The following NKD1 variants were observed in gnomAD, a reference collection of about 807,000 sequenced individuals.
The protein encoded by NKD1 is NKD inhibitor of Wnt signaling pathway 1, also known as protein naked cuticle homolog 1.
A neutral mutation model predicts 56.0 loss-of-function variants in NKD1; 21 were observed. That is an observed-to-expected ratio of 0.38 (90% CI 0.27 to 0.54). NKD1 has a LOEUF of 0.54. NKD1 is among the 20% of genes least tolerant of loss of function. The probability of loss-of-function intolerance (pLI) is 0.82; values close to 1 mark genes in which losing one functional copy is unlikely to be tolerated. For missense variants in NKD1, 578 were observed against 642.7 expected, an observed-to-expected ratio of 0.90 and a Z score of 1.09; for synonymous variants, 263 against 265.7, an observed-to-expected ratio of 0.99 and a Z score of 0.10.
At chr16:50,625,445 A>G (rs1962187696) in intron 5 of NKD1, 40 bp from the exon 6 acceptor site, 7 of 1,426,022 alleles carry the variant, frequency 4.9e-6, no homozygotes, top group Non-Finnish European at 6.9e-6. Flanking sequence ...CAGTGTTGCC[A>G]CAGATAGGGG....
chr16:50,581,518 T>C (rs1214794924), intron 3 of NKD1, among the ~76,000 whole-genome samples: 1 of 152,258 alleles, frequency 6.6e-6, no homozygotes, highest in Non-Finnish European at 1.5e-5. Context: ...GTACCTGCTA[T>C]TATGTCAGAG....
chr16:50,640,776 A>T lies in NKD1; in HGVS notation c.*6995A>T, dbSNP rs1160953446. On this transcript the variant is annotated 3_prime_UTR_variant, in exon 10 of 10. Transcript: ENST00000268459. ...CAACTTTTAATTTTGCTAAATAAGG[A>T]TATTAGAAAAAGAATAGAAAATTGC... is the stretch of plus-strand genomic sequence containing the variant. 1 of 152,228 alleles carries T rather than the reference A, an allele frequency of 6.6e-6. No homozygotes were observed. Among genetic ancestry groups the T allele is most frequent in the East Asian group, 1.9e-4 (1 of 5,198 alleles). The allele number at this position is 152,228 out of a possible 1,614,324, so 9.4% of individuals were successfully genotyped here. A position where few individuals can be genotyped will look rare whatever the true frequency, so the allele number is the denominator to read the frequency against.
chr16:50,551,963 C>G (rs1445414358), intron 3 of NKD1: 5 of 152,114 alleles, frequency 3.3e-5, no homozygotes, highest in African/African-American at 1.2e-4. Flanking sequence ...TTCCCTGATT[C>G]CCTCTGGTGC....
intron 3 of NKD1, among the ~76,000 whole-genome samples, chr16:50,579,207 C>T (rs1021763822): frequency 2.7e-5 from 4 of 150,566 alleles, no homozygotes; most frequent in South Asian, 4.2e-4. Context: ...CCGCTACACA[C>T]GCACTCTAAC....
chr16:50,592,349 C>G (rs1244616908), intron 3 of NKD1, among the ~76,000 whole-genome samples: 1 of 152,244 alleles, frequency 6.6e-6, no homozygotes, highest in African/African-American at 2.4e-5. Context: ...CCTAGCCCTG[C>G]CCCATGCCCT....
chr16:50,589,157 G>A (rs957153988), intron 3 of NKD1, among the ~76,000 whole-genome samples: 11 of 152,150 alleles, frequency 7.2e-5, no homozygotes, highest in South Asian at 4.1e-4. Context: ...GTGACTCTTG[G>A]TGAGCCTTGG....
intron 6 of NKD1, among the ~76,000 whole-genome samples, chr16:50,627,300 A>C (rs956032383): frequency 6.6e-6 from 1 of 151,932 alleles, no homozygotes; most frequent in African/African-American, 2.4e-5. Context: ...CCTCAGCTCT[A>C]TTTCCCTTCT....
rs1164648309 is a variant in NKD1, at chr16:50,649,032, C to G, written c.*15251C>G. On this transcript the variant is annotated 3_prime_UTR_variant, in exon 10 of 10. Transcript: ENST00000268459. ...ACTTCTCACTTGTTTCAACCACTTT[C>G]ACTTGCAGTCAAACCTGAATTGTAA... 6.6e-6 allele frequency: 1 copy of G among 152,178 alleles called. No homozygotes were observed. Among genetic ancestry groups the G allele is most frequent in the Non-Finnish European group, 1.5e-5 (1 of 68,030 alleles). 9.4% of individuals were successfully genotyped at this position (152,178 alleles called of 1,614,324 possible). A position where few individuals can be genotyped will look rare whatever the true frequency, so the allele number is the denominator to read the frequency against.
intron 3 of NKD1, among the ~76,000 whole-genome samples, chr16:50,579,339 G>A (rs1311187113): frequency 2.4e-5 from 3 of 126,058 alleles, no homozygotes; most frequent in Non-Finnish European, 1.6e-5. Flanking sequence ...AACCCACCAC[G>A]CATGCACTGT....
intron 3 of NKD1, among the ~76,000 whole-genome samples, chr16:50,564,511 T>C (rs61339988): frequency 6.6e-6 from 1 of 152,160 alleles, no homozygotes; most frequent in African/African-American, 2.4e-5. Flanking sequence ...ATTATTATTA[T>C]GGGGAAACTG....
chr16:50,574,617 G>A (rs1451331460), intron 3 of NKD1: 23 of 985,264 alleles, frequency 2.3e-5, no homozygotes, highest in African/African-American at 8.7e-5. Context: ...GGCCTCCAGC[G>A]GGCAGGAGGA....
intron 4 of NKD1, among the ~76,000 whole-genome samples, chr16:50,611,098 C>A (rs1359455275): frequency 6.6e-6 from 1 of 152,216 alleles, no homozygotes; most frequent in East Asian, 1.9e-4. Flanking sequence ...GCTTGGGCCC[C>A]ACGGGGAGAA....
At chr16:50,592,625 C>T (rs1190594251) in intron 3 of NKD1, among the ~76,000 whole-genome samples, 2 of 152,222 alleles carry the variant, frequency 1.3e-5, no homozygotes, top group African/African-American at 4.8e-5. Context: ...GTAGTTGTCT[C>T]ACAGAGCGCC....
chr16:50,587,629 T>C (rs899045381), intron 3 of NKD1, among the ~76,000 whole-genome samples: 7 of 152,344 alleles, frequency 4.6e-5, no homozygotes, highest in African/African-American at 1.7e-4. Context: ...TTCCCTCTGC[T>C]TCTACAGCTG....
chr16:50,549,828 C>G (rs1258292300), intron 3 of NKD1, among the ~76,000 whole-genome samples: 1 of 152,048 alleles, frequency 6.6e-6, no homozygotes, highest in Admixed American at 6.5e-5. Context: ...CGTGTCTGTA[C>G]CGGCGGGATT....
chr16:50,575,071 G>A, intron 3 of NKD1: 1 of 983,472 alleles, frequency 1.0e-6, no homozygotes, highest in Non-Finnish European at 1.2e-6. Flanking sequence ...CTGGAAAGTT[G>A]TTTCATGACA....
chr16:50,575,468 G>T, intron 3 of NKD1: 1 of 492,512 alleles, frequency 2.0e-6, no homozygotes, highest in Non-Finnish European at 2.6e-6. Flanking sequence ...CCTTTGACAG[G>T]TGATCTTGTG....
At position 50,573,287 on chromosome 16, in the gene NKD1, G is replaced by GGTCTCCAGGTGGCTGAAT. The variant is rs376570298; in HGVS notation, c.192+23734_192+23751dup. Among the ~76,000 whole-genome samples, 606 of 152,352 alleles carry GGTCTCCAGGTGGCTGAAT rather than the reference G, an allele frequency of 4.0e-3. 3 individuals are homozygous for GGTCTCCAGGTGGCTGAAT. Among genetic ancestry groups the GGTCTCCAGGTGGCTGAAT allele is most frequent in the African/African-American group, 0.014 (588 of 41,580 alleles). On this transcript the variant is annotated intron_variant, in intron 3 of 9. Transcript: ENST00000268459. ...TGTGGTGCCCCCCTGCACCCTGTCT[G>GGTCTCCAGGTGGCTGAAT]GTCTCCAGGTGGCTGAATGACTCCA...
chr16:50,574,699 G>A, intron 3 of NKD1: 1 of 985,472 alleles, frequency 1.0e-6, no homozygotes, highest in Non-Finnish European at 1.2e-6. Flanking sequence ...GTCCCAGGCA[G>A]AGGCCCTCTG....
Sources: allele counts gnomAD v4.1 joint callset (sites outside exome capture counted in the v4.1 genomes callset), GRCh38; gene constraint gnomAD v4.1.1; transcripts MANE v1.5; gene names NCBI Gene and HGNC (gene_info 2026-07-23, HGNC 2026-07-21).